NMD3: variants seen among roughly 807,000 people sequenced by gnomAD.
NMD3 encodes the protein NMD3 ribosome export adaptor, also known as 60S ribosomal export protein NMD3.
In NMD3, 47 loss-of-function variants were observed where a neutral mutation model predicts 73.1. That is an observed-to-expected ratio of 0.64 (90% confidence interval 0.51 to 0.82). The LOEUF (loss-of-function observed/expected upper bound fraction) is 0.82, where lower values mean the gene tolerates loss of function less well. Among genes scored for constraint, NMD3 ranks in the 40% least tolerant of loss-of-function variants. NMD3 has a pLI of 0.00. For synonymous variants in NMD3, 210 were observed against 194.5 expected, an observed-to-expected ratio of 1.08 and a Z score of -0.66; for missense variants, 554 against 612.5, an observed-to-expected ratio of 0.90 and a Z score of 1.01.
Position 161,247,351 on chromosome 3 carries a change from C to A in NMD3, c.1203+21C>A, listed in dbSNP as rs375802698. On this transcript the variant is annotated intron_variant, in intron 13 of 15. Coordinates refer to ENST00000351193, the MANE Select transcript of NMD3 (RefSeq NM_015938.5). Reference sequence around the variant, plus strand: ...ATGTGGTAAGGCTTTAGATTTTTCCCTTTTTTCCTGTGTTAAAGAGGATGA... The same window carrying A: ...ATGTGGTAAGGCTTTAGATTTTTCCATTTTTTCCTGTGTTAAAGAGGATGA... 267 of 1,531,134 alleles carry A rather than the reference C, an allele frequency of 1.7e-4. 3 individuals are homozygous for A. In the South Asian group the frequency reaches 2.0e-3, roughly 12 times the overall value. The allele number at this position is 1,531,134 out of a possible 1,614,324, so 94.8% of individuals were successfully genotyped here.
chr3:161,233,808 C>T (rs866427333), intron 5 of NMD3, among the ~76,000 whole-genome samples: 2 of 151,892 alleles, frequency 1.3e-5, no homozygotes, highest in Non-Finnish European at 2.9e-5. Context: ...TATGTGAGGC[C>T]GGGAATCTAT....
intron 14 of NMD3, chr3:161,249,841 C>T (rs4429651): frequency 0.15 from 66,042 of 450,176 alleles, 5,433 homozygotes; most frequent in East Asian, 0.23. Flanking sequence ...TAACAATGGG[C>T]ATACCTTCTG....
intron 3 of NMD3, among the ~76,000 whole-genome samples, chr3:161,226,397 G>A (rs1485306141): frequency 1.3e-5 from 2 of 149,426 alleles, no homozygotes; most frequent in Non-Finnish European, 3.0e-5. Flanking sequence ...GCAGTGAGCC[G>A]AGATCATACA....
chr3:161,235,661 G>A (rs1042620771), intron 7 of NMD3, among the ~76,000 whole-genome samples: 6 of 152,028 alleles, frequency 3.9e-5, no homozygotes, highest in Non-Finnish European at 8.8e-5. Context: ...TTAAGAACTT[G>A]CCCATTAAGC....
At chr3:161,245,161 T>C (rs73875460) in intron 11 of NMD3, among the ~76,000 whole-genome samples, 11,080 of 151,860 alleles carry the variant, frequency 0.073, 621 homozygotes, top group South Asian at 0.18. Flanking sequence ...TGTGTGTGTG[T>C]GCGTGCTAAT....
chr3:161,235,372 C>A lies in NMD3; in HGVS notation c.577+160C>A, dbSNP rs577579530. On this transcript the variant is annotated intron_variant, in intron 7 of 15. Coordinates refer to ENST00000351193, the MANE Select transcript of NMD3 (RefSeq NM_015938.5). ...CAACTTAATTCTTTATCTGCACTGT[C>A]CAGTATGGTATAGTCACTAGCCACA... is the stretch of plus-strand genomic sequence containing the variant. 2.8e-5 allele frequency: 11 copies of A among 399,646 alleles called. No homozygotes were observed. In the East Asian group the frequency reaches 4.3e-4, roughly 16 times the overall value. The allele number at this position is 399,646 out of a possible 1,614,324, so 24.8% of individuals were successfully genotyped here. A position where few individuals can be genotyped will look rare whatever the true frequency, so the allele number is the denominator to read the frequency against.
intron 7 of NMD3, among the ~76,000 whole-genome samples, chr3:161,235,723 T>C (rs143101461): frequency 6.6e-6 from 1 of 152,154 alleles, no homozygotes; most frequent in East Asian, 1.9e-4. Context: ...TTTTATGATA[T>C]TCACCTCTCA....
intron 4 of NMD3, among the ~76,000 whole-genome samples, chr3:161,228,280 A>C (rs544303451): frequency 2.0e-5 from 3 of 152,068 alleles, no homozygotes; most frequent in African/African-American, 4.8e-5. Flanking sequence ...TTATTTTCCT[A>C]CTAGGTCCCA....
chr3:161,234,462 A>G (rs1443574806), intron 5 of NMD3, among the ~76,000 whole-genome samples: 1 of 141,506 alleles, frequency 7.1e-6, no homozygotes, highest in African/African-American at 2.7e-5. Flanking sequence ...TATATATGTA[A>G]AATATACACA....
intron 10 of NMD3, among the ~76,000 whole-genome samples, chr3:161,241,745 A>G (rs1658645410): frequency 6.6e-6 from 1 of 151,980 alleles, no homozygotes; most frequent in Non-Finnish European, 1.5e-5. Context: ...ACCTCATTTA[A>G]TTTTTGTGAC....
chr3:161,245,104 T>TA, intron 11 of NMD3, among the ~76,000 whole-genome samples: 1 of 151,928 alleles, frequency 6.6e-6, no homozygotes, highest in South Asian at 2.1e-4. Flanking sequence ...CTGGCTTCTT[T>TA]TACTGTGAAA....
chr3:161,252,657 C>G, downstream of NMD3: 2 of 510,528 alleles, frequency 3.9e-6, no homozygotes, highest in South Asian at 5.0e-5. Context: ...TAGTCATATC[C>G]CAAAGTTGTT....
Position 161,249,486 on chromosome 3 carries a change from A to T in NMD3, c.1236A>T (p.Lys412Asn), listed in dbSNP as rs144598314. The change falls in exon 14 of 16, where the codon AAA (lysine) becomes AAT (asparagine). Residue 412 changes from lysine (K) to asparagine (N), a missense_variant. Transcript: ENST00000351193. Reference protein sequence around the residue: ...VLIKKSYDRTKRQRRRNWKLK... With the variant: ...VLIKKSYDRTNRQRRRNWKLK... Reference sequence around the variant, plus strand: ...TCAAGAAGAGCTATGACCGGACCAAACGTCAGCGTCGTAGAAACTGGAAAT... The same window carrying T: ...TCAAGAAGAGCTATGACCGGACCAATCGTCAGCGTCGTAGAAACTGGAAAT... 8.3e-4 allele frequency: 1,337 copies of T among 1,611,634 alleles called. 13 individuals carry two copies. In the African/African-American group the frequency reaches 0.016, roughly 20 times the overall value.
At chr3:161,229,054 T>C (rs1157388737) in intron 4 of NMD3, among the ~76,000 whole-genome samples, 1 of 151,984 alleles carries the variant, frequency 6.6e-6, no homozygotes, top group African/African-American at 2.4e-5. Flanking sequence ...AAAACAAATG[T>C]AGAGACCAAA....
rs756488381 is a variant in NMD3 at position 161,221,974 on chromosome 3, T to C, written c.-20-20T>C. ...CAACATTCTCTTTTTTTTTTTTTTT[T>C]TTTTTTTTTTTTTTAAAAGAACTTA... On this transcript the variant is annotated intron_variant, in intron 1 of 15. Transcript: ENST00000351193. The C allele has an allele frequency of 7.0e-5, 41 of 585,242 alleles. No homozygotes were observed. In the African/African-American group the frequency reaches 1.1e-3, roughly 15 times the overall value. 36.3% of individuals were successfully genotyped at this position (585,242 alleles called of 1,614,324 possible).
intron 8 of NMD3, 63 bp from the exon 9 acceptor site, chr3:161,238,667 T>C: frequency 1.2e-6 from 1 of 801,250 alleles, no homozygotes; most frequent in Admixed American, 2.1e-5. Flanking sequence ...AAATTGATAT[T>C]CCTGAGTCCA....
intron 4 of NMD3, among the ~76,000 whole-genome samples, chr3:161,228,390 G>A (rs1004939995): frequency 1.3e-5 from 2 of 150,944 alleles, no homozygotes; most frequent in East Asian, 1.9e-4. Context: ...GGTTTTTTTC[G>A]CTCCCCTCTG....
intron 2 of NMD3, among the ~76,000 whole-genome samples, chr3:161,224,382 C>T (rs1437097628): frequency 6.6e-6 from 1 of 152,146 alleles, no homozygotes; most frequent in African/African-American, 2.4e-5. Flanking sequence ...TTTAGGACAT[C>T]GGCCTTATAT....
intron 11 of NMD3, among the ~76,000 whole-genome samples, chr3:161,245,666 G>C (rs531071051): frequency 1.3e-5 from 2 of 151,678 alleles, no homozygotes; most frequent in East Asian, 1.9e-4. Context: ...ACTTCAGTTG[G>C]TCTGTCTTTG....
Sources: allele counts gnomAD v4.1 joint callset (sites outside exome capture counted in the v4.1 genomes callset), GRCh38; gene constraint gnomAD v4.1.1; transcripts MANE v1.5; gene names NCBI Gene and HGNC (gene_info 2026-07-23, HGNC 2026-07-21).